The following OR51B5 variants were observed in gnomAD, a reference collection of about 807,000 sequenced individuals.
OR51B5 encodes olfactory receptor 51B5.
For synonymous variants in OR51B5, 186 were observed against 144.8 expected (o/e 1.28, Z -2.04); for missense variants, 456 against 374.6 (o/e 1.22, Z -1.79).
intron 1 of OR51B5, among the ~76,000 whole-genome samples, chr11:5,463,044 T>C (rs187098521): frequency 3.9e-5 from 6 of 152,344 alleles, no homozygotes; most frequent in East Asian, 3.9e-4. Flanking sequence ...TTTGGTCTCA[T>C]TGTTTTGTCG....
chr11:5,425,526 T>C (rs1280268418), intron 1 of OR51B5, among the ~76,000 whole-genome samples: 1 of 152,208 alleles, frequency 6.6e-6, no homozygotes, highest in Non-Finnish European at 1.5e-5. Flanking sequence ...TGCATGTGTG[T>C]GTGGCGAGGG....
intron 1 of OR51B5, among the ~76,000 whole-genome samples, chr11:5,501,234 G>A (rs1846289400): frequency 6.8e-6 from 1 of 147,542 alleles, no homozygotes; most frequent in Non-Finnish European, 1.5e-5. Flanking sequence ...ACTTCTGGGT[G>A]GCTATACTAA....
chr11:5,371,929 T>A (rs1849454157), intron 1 of OR51B5, among the ~76,000 whole-genome samples: 1 of 152,170 alleles, frequency 6.6e-6, no homozygotes, highest in South Asian at 2.1e-4. Context: ...TTCCCCTTTT[T>A]ACACTGTTTC....
At chr11:5,396,582 T>C (rs555284190) in intron 1 of OR51B5, among the ~76,000 whole-genome samples, 39 of 152,086 alleles carry the variant, frequency 2.6e-4, no homozygotes, top group Admixed American at 5.9e-4. Context: ...GAACATTCCA[T>C]GCTCATGGAT....
intron 1 of OR51B5, chr11:5,468,420 C>T (rs1013547171): frequency 6.3e-6 from 2 of 316,866 alleles, no homozygotes; most frequent in Non-Finnish European, 1.2e-5. Flanking sequence ...GAAGGACTAA[C>T]CTGGTACACC....
intron 1 of OR51B5, among the ~76,000 whole-genome samples, chr11:5,483,263 A>G (rs1851450867): frequency 6.9e-6 from 1 of 144,298 alleles, no homozygotes. Context: ...AAGAACAAAA[A>G]ACCAAACACC....
chr11:5,472,826 C>T (rs2133802346), intron 1 of OR51B5, among the ~76,000 whole-genome samples: 1 of 152,280 alleles, frequency 6.6e-6, no homozygotes, highest in South Asian at 2.1e-4. Flanking sequence ...TTCCAGTAAG[C>T]ATACCACAAC....
intron 1 of OR51B5, chr11:5,422,672 G>C (rs145007917): frequency 2.4e-4 from 380 of 1,614,026 alleles, no homozygotes; most frequent in African/African-American, 6.3e-4. Context: ...TGTTCTGGCG[G>C]TTCTTCCCTC....
intron 1 of OR51B5, among the ~76,000 whole-genome samples, chr11:5,485,798 T>C (rs1336870302): frequency 2.0e-5 from 3 of 152,224 alleles, no homozygotes; most frequent in Non-Finnish European, 4.4e-5. Flanking sequence ...TCCCTGGATG[T>C]CTGTTACAGG....
intron 1 of OR51B5, among the ~76,000 whole-genome samples, chr11:5,373,093 G>T (rs1281932661): frequency 2.6e-5 from 4 of 152,198 alleles, no homozygotes; most frequent in Non-Finnish European, 4.4e-5. Context: ...AACAAATAGT[G>T]TTGGGAAAAC....
In OR51B5 at chr11:5,505,601, T is replaced by C. The variant is rs374824888; in HGVS notation, n.52A>G. The C allele has an allele frequency of 3.6e-5, 24 of 664,206 alleles. No homozygotes were observed. In the African/African-American group the frequency reaches 4.0e-4, roughly 11 times the overall value. The allele number at this position is 664,206 out of a possible 1,614,324, so 41.1% of individuals were successfully genotyped here. A position where few individuals can be genotyped will look rare whatever the true frequency, so the allele number is the denominator to read the frequency against. ...CATAGCTGGGGAGGCCTCACAACCA[T>C]GGCCAGGAGAAGCAAGTCACATCCT... On this transcript the variant is annotated non_coding_transcript_exon_variant, in exon 1 of 5. Transcript: ENST00000415970.
exon 1 of OR51B5, chr11:5,342,734 T>C: frequency 1.9e-6 from 3 of 1,613,828 alleles, no homozygotes; most frequent in Non-Finnish European, 2.5e-6. Flanking sequence ...TGGAACCTGC[T>C]TTCCAAAACG....
rs971880 is a variant in OR51B5 at position 5,408,214 on chromosome 11, G to C, written n.85-61304C>G. ...TCTATAATGATTATTACTCTTCCTTGCTCACTCCAGTCCCTTCCTCATCCT... is the reference window on the plus strand; with the variant it reads ...TCTATAATGATTATTACTCTTCCTTCCTCACTCCAGTCCCTTCCTCATCCT... On this transcript the variant is annotated intron_variant and non_coding_transcript_variant, in intron 1 of 4. Transcript: ENST00000415970. Among the ~76,000 whole-genome samples, 378 of 151,858 alleles carry C rather than the reference G, an allele frequency of 2.5e-3. 1 individual carries two copies. Among genetic ancestry groups the C allele is most frequent in the Admixed American group, 5.6e-3 (85 of 15,262 alleles).
chr11:5,363,272 C>T (rs1367064634), intron 1 of OR51B5, among the ~76,000 whole-genome samples: 5 of 51,660 alleles, frequency 9.7e-5, no homozygotes, highest in African/African-American at 3.1e-4. Flanking sequence ...CACACACACA[C>T]ACACACACAC....
chr11:5,477,851 G>C (rs416948), intron 1 of OR51B5, among the ~76,000 whole-genome samples: 2 of 151,914 alleles, frequency 1.3e-5, no homozygotes, highest in African/African-American at 4.8e-5. Context: ...CACCTGGCTC[G>C]GAGGGTCCTA....
intron 1 of OR51B5, among the ~76,000 whole-genome samples, chr11:5,448,507 A>G (rs1380283688): frequency 6.6e-6 from 1 of 152,226 alleles, no homozygotes; most frequent in Non-Finnish European, 1.5e-5. Flanking sequence ...AAAGACTGCA[A>G]GATTCCACAA....
intron 1 of OR51B5, among the ~76,000 whole-genome samples, chr11:5,358,235 T>C (rs1384809783): frequency 2.0e-5 from 3 of 152,006 alleles, no homozygotes; most frequent in South Asian, 2.1e-4. Flanking sequence ...ACAAAATTGA[T>C]AGACTGCTAG....
intron 1 of OR51B5, among the ~76,000 whole-genome samples, chr11:5,484,340 G>A (rs1456752113): frequency 6.6e-6 from 1 of 152,154 alleles, no homozygotes; most frequent in Non-Finnish European, 1.5e-5. Context: ...ACCTGCTCCT[G>A]CCTCAATCTT....
At chr11:5,425,128 T>TA (rs1850429461) in intron 1 of OR51B5, among the ~76,000 whole-genome samples, 1 of 152,048 alleles carries the variant, frequency 6.6e-6, no homozygotes, top group Admixed American at 6.6e-5. Context: ...TCTGCTGGCG[T>TA]AAATTGCAAA....
Sources: gnomAD v4.1 joint callset for allele counts (sites outside exome capture counted in the v4.1 genomes callset) on GRCh38, gnomAD v4.1.1 for gene constraint, MANE v1.5 for transcripts, NCBI Gene and HGNC (gene_info 2026-07-23, HGNC 2026-07-21) for gene names.